FLT1: variants seen among roughly 807,000 people sequenced by gnomAD.
FLT1 encodes the protein fms related receptor tyrosine kinase 1, also known as vascular endothelial growth factor receptor 1.
A neutral mutation model predicts 156.3 loss-of-function variants in FLT1; 49 were observed. That is an observed-to-expected ratio of 0.31 (90% CI 0.25 to 0.40). The LOEUF (loss-of-function observed/expected upper bound fraction) is 0.40, where lower values mean the gene tolerates loss of function less well. FLT1 is among the 10% of genes least tolerant of loss of function. The probability of loss-of-function intolerance (pLI) is 1.00; values close to 1 mark genes in which losing one functional copy is unlikely to be tolerated. For missense variants in FLT1, 1,322 were observed against 1,637.2 expected (o/e 0.81, Z 3.32); for synonymous variants, 594 against 583.8 (o/e 1.02, Z -0.25).
At chr13:28,350,065 C>T (rs924888048) in intron 15 of FLT1, among the ~76,000 whole-genome samples, 3 of 152,148 alleles carry the variant, frequency 2.0e-5, no homozygotes, top group Non-Finnish European at 2.9e-5. Context: ...CCTGACTAAA[C>T]CCAGCTTCAA....
chr13:28,398,336 G>A (rs1014070372), intron 11 of FLT1, among the ~76,000 whole-genome samples: 2 of 152,214 alleles, frequency 1.3e-5, no homozygotes, highest in Non-Finnish European at 2.9e-5. Flanking sequence ...AGTAATGTAA[G>A]GCTGAAATGT....
At chr13:28,362,131 A>G (rs1263071602) in intron 14 of FLT1, among the ~76,000 whole-genome samples, 1 of 152,190 alleles carries the variant, frequency 6.6e-6, no homozygotes, top group Non-Finnish European at 1.5e-5. Context: ...GCTTTACTGG[A>G]TACAGCAATA....
chr13:28,413,774 A>C, intron 10 of FLT1, among the ~76,000 whole-genome samples: 1 of 152,228 alleles, frequency 6.6e-6, no homozygotes, highest in Admixed American at 6.5e-5. Context: ...AGTGGTCAAT[A>C]CTGAAACATC....
At chr13:28,401,292 T>G (rs893181745) in intron 11 of FLT1, among the ~76,000 whole-genome samples, 9 of 152,248 alleles carry the variant, frequency 5.9e-5, no homozygotes, top group African/African-American at 2.2e-4. Context: ...CTTTTGCTTT[T>G]TGTGGTGCTT....
In FLT1 at chr13:28,361,230, G is replaced by A. The variant is rs568008526; in HGVS notation, c.2117-3545C>T. On this transcript the variant is annotated intron_variant, in intron 14 of 29. Coordinates refer to ENST00000282397, the MANE Select transcript of FLT1 (RefSeq NM_002019.4). ...GGAGGCAGAGCTTGGAGTGAGCCAA[G>A]ATGGTGCCCCTGCACTCCAGCCTGG... Among the ~76,000 whole-genome samples the A allele has an allele frequency of 4.6e-5, 7 of 152,102 alleles. No homozygotes were observed. The South Asian group carries it at 1.5e-3, about 32-fold the overall frequency.
intron 11 of FLT1, among the ~76,000 whole-genome samples, chr13:28,403,935 G>A (rs1875619094): frequency 6.6e-6 from 1 of 152,032 alleles, no homozygotes. Flanking sequence ...CCAGCTACTT[G>A]GGAGGCTGAG....
intron 11 of FLT1, chr13:28,399,079 T>C (rs1265932880): frequency 6.4e-7 from 1 of 1,551,312 alleles, no homozygotes; most frequent in East Asian, 2.4e-5. Context: ...GAAGAGAAGC[T>C]TGTAGGTGGC....
At chr13:28,384,188 C>A (rs1270028716) in intron 14 of FLT1, among the ~76,000 whole-genome samples, 1 of 152,240 alleles carries the variant, frequency 6.6e-6, no homozygotes, top group East Asian at 1.9e-4. Context: ...AATCCCAGCA[C>A]TTTGGGAGGC....
intron 19 of FLT1, 68 bp from the exon 20 acceptor site, chr13:28,327,618 G>A: frequency 8.9e-7 from 1 of 1,123,254 alleles, no homozygotes; most frequent in Non-Finnish European, 1.4e-6. Context: ...CCAGCCTTCA[G>A]CCTGCCTGAG....
chr13:28,322,696 T>G lies in FLT1; in HGVS notation c.2953+94A>C. The G allele has an allele frequency of 2.7e-6, 3 of 1,118,814 alleles. No individual in the cohort carries two copies. Among genetic ancestry groups the G allele is most frequent in the Non-Finnish European group, 4.1e-6 (3 of 736,166 alleles). The allele number at this position is 1,118,814 out of a possible 1,614,324, so 69.3% of individuals were successfully genotyped here. ...TACCATTCGAGTCTCCCACGGATGT[T>G]TATTAGAGTGATAAATAAGAAAAAA... On this transcript the variant is annotated intron_variant, in intron 21 of 29. Transcript: ENST00000282397. This position sits in a 1 kb window ranked among gnomAD's most constrained non-coding sequence, Gnocchi z 4.3.
At chr13:28,462,803 C>T (rs1879657854) in intron 3 of FLT1, among the ~76,000 whole-genome samples, 1 of 152,192 alleles carries the variant, frequency 6.6e-6, no homozygotes, top group African/African-American at 2.4e-5. Context: ...AACTCTCCTT[C>T]CCCACCACGA....
At chr13:28,397,749 C>CGTGTGT (rs35710786) in intron 11 of FLT1, among the ~76,000 whole-genome samples, 1,922 of 129,846 alleles carry the variant, frequency 0.015, 15 homozygotes, top group Non-Finnish European at 0.02. Context: ...TGAAGGAGAC[C>CGTGTGT]GTGTGTGTGT....
chr13:28,347,166 A>C (rs1872595923), intron 15 of FLT1, among the ~76,000 whole-genome samples: 2 of 152,176 alleles, frequency 1.3e-5, no homozygotes, highest in Non-Finnish European at 2.9e-5. Context: ...TTTGACATGA[A>C]TTTTAATCTG....
rs1054775526 is a variant in FLT1 at position 28,431,323 on chromosome 13, T to C, written c.814-13A>G. 3.1e-6 allele frequency: 5 copies of C among 1,601,426 alleles called. No individual in the cohort carries two copies. Among genetic ancestry groups the C allele is most frequent in the Non-Finnish European group, 4.3e-6 (5 of 1,168,816 alleles). ...CTCTCTTATTTTTCTAGAAAGAAAATGTATAACAAATGTAGAAGGAGTGAG... is the reference window on the plus strand; with the variant it reads ...CTCTCTTATTTTTCTAGAAAGAAAACGTATAACAAATGTAGAAGGAGTGAG... On this transcript the variant is annotated splice_polypyrimidine_tract_variant and intron_variant, in intron 6 of 29. Transcript: ENST00000282397.
chr13:28,491,400 TAAATA>T (rs1310488706), intron 1 of FLT1, among the ~76,000 whole-genome samples: 3 of 152,082 alleles, frequency 2.0e-5, no homozygotes, highest in Non-Finnish European at 2.9e-5. Context: ...ATTCAAGAAA[TAAATA>T]GGGGTTTAAA....
intron 10 of FLT1, among the ~76,000 whole-genome samples, chr13:28,419,111 A>G (rs906985419): frequency 3.3e-5 from 5 of 152,188 alleles, no homozygotes; most frequent in African/African-American, 1.2e-4. Context: ...ACGTCCTAGG[A>G]GGCTTCTAGA....
chr13:28,355,938 A>G (rs1018205727), intron 15 of FLT1, among the ~76,000 whole-genome samples: 1 of 152,222 alleles, frequency 6.6e-6, no homozygotes, highest in Non-Finnish European at 1.5e-5. Context: ...ACCTGGCAGA[A>G]AAAGGAAGGA....
chr13:28,344,017 AC>A lies in FLT1; in HGVS notation c.2355+1427del, dbSNP rs1221409390. On this transcript the variant is annotated intron_variant, in intron 16 of 29. Coordinates refer to ENST00000282397, the MANE Select transcript of FLT1 (RefSeq NM_002019.4). Reference sequence around the variant, plus strand: ...TCTCTATTCACTCTTGCCCCCCACCACCCGGGTCCATTCTTCTCACAGTAGC... The same window carrying A: ...TCTCTATTCACTCTTGCCCCCCACCACCGGGTCCATTCTTCTCACAGTAGC... Among the ~76,000 whole-genome samples, 23 of 145,712 alleles carry A rather than the reference AC, an allele frequency of 1.6e-4. 1 individual carries two copies. In the East Asian group the frequency reaches 4.2e-3, roughly 27 times the overall value.
intron 14 of FLT1, among the ~76,000 whole-genome samples, chr13:28,367,630 G>A (rs1593713088): frequency 6.6e-6 from 1 of 152,184 alleles, no homozygotes. Flanking sequence ...TCACCATTGA[G>A]TAAATAAATC....
Sources: allele counts gnomAD v4.1 joint callset (sites outside exome capture counted in the v4.1 genomes callset), GRCh38; gene constraint gnomAD v4.1.1; non-coding constraint Gnocchi (gnomAD v3.1); transcripts MANE v1.5; gene names NCBI Gene and HGNC (gene_info 2026-07-23, HGNC 2026-07-21).